The following TPRG1 variants were observed in gnomAD, a reference collection of about 807,000 sequenced individuals.
The protein encoded by TPRG1 is tumor protein p63-regulated gene 1 protein.
TPRG1 carries 29 observed loss-of-function variants against 29.3 expected under a neutral mutation model. The observed-to-expected ratio is 0.99, with a 90% CI of 0.74 to 1.35. The LOEUF (loss-of-function observed/expected upper bound fraction) is 1.35. Among genes scored for constraint, TPRG1 ranks in the 40% most tolerant of loss-of-function variants. TPRG1 has a pLI of 0.00. For missense variants in TPRG1, 327 were observed against 335.0 expected (o/e 0.98, Z 0.19); for synonymous variants, 130 against 116.8 (o/e 1.11, Z -0.73).
intron 4 of TPRG1, among the ~76,000 whole-genome samples, chr3:189,285,202 C>T (rs1339466413): frequency 1.3e-5 from 2 of 152,156 alleles, no homozygotes; most frequent in African/African-American, 4.8e-5. Flanking sequence ...CTCACTTTTT[C>T]TTAAAAATGA....
intron 4 of TPRG1, among the ~76,000 whole-genome samples, chr3:189,244,003 G>C (rs145911876): frequency 2.8e-4 from 43 of 152,246 alleles, no homozygotes; most frequent in African/African-American, 1.0e-3. Flanking sequence ...ACCTCTGCCT[G>C]TTACCCAATT....
intron 1 of TPRG1, among the ~76,000 whole-genome samples, chr3:188,999,563 C>T (rs1298668835): frequency 1.3e-5 from 2 of 152,102 alleles, no homozygotes; most frequent in Non-Finnish European, 2.9e-5. Flanking sequence ...GTTAAAATAA[C>T]TTATTTGCCC....
chr3:189,056,890 T>G (rs1407942837), intron 4 of TPRG1, among the ~76,000 whole-genome samples: 1 of 152,194 alleles, frequency 6.6e-6, no homozygotes, highest in Non-Finnish European at 1.5e-5. Flanking sequence ...CTCAGTACTA[T>G]GTCACGATTG....
intron 5 of TPRG1, among the ~76,000 whole-genome samples, chr3:189,320,151 GT>G (rs151175477): frequency 1.3e-5 from 2 of 151,878 alleles, no homozygotes; most frequent in Non-Finnish European, 2.9e-5. Context: ...TGACAGCGGG[GT>G]TTTTTTGCCT....
chr3:189,120,106 T>C (rs1721656059), intron 1 of TPRG1: 1 of 152,136 alleles, frequency 6.6e-6, no homozygotes, highest in South Asian at 2.1e-4. Flanking sequence ...CAAACAAATA[T>C]CAGTATCTGT....
chr3:189,187,887 G>A (rs1440108108), intron 1 of TPRG1, among the ~76,000 whole-genome samples: 1 of 152,082 alleles, frequency 6.6e-6, no homozygotes, highest in Non-Finnish European at 1.5e-5. Flanking sequence ...ATTAATTCTC[G>A]AAACATTTGT....
chr3:189,061,907 G>A (rs988596515), intron 4 of TPRG1, among the ~76,000 whole-genome samples: 1 of 152,048 alleles, frequency 6.6e-6, no homozygotes, highest in Non-Finnish European at 1.5e-5. Flanking sequence ...AAACAGAACT[G>A]CCACTTGACC....
rs147626905 is a variant in TPRG1, at chr3:189,318,924, C to T, written c.634-1702C>T. Among the ~76,000 whole-genome samples, 479 of 152,250 alleles carry T rather than the reference C, an allele frequency of 3.1e-3. 3 individuals carry two copies. The highest frequency in any genetic ancestry group is 0.011 in the African/African-American group (461 of 41,554). On this transcript the variant is annotated intron_variant, in intron 5 of 5. Transcript: ENST00000345063. Reference sequence around the variant, plus strand: ...AAAAATTAGAATTTTATAATTCCTGCTCATAACAGCAATGTTATAAAGAGA... The same window carrying T: ...AAAAATTAGAATTTTATAATTCCTGTTCATAACAGCAATGTTATAAAGAGA...
chr3:189,280,276 T>C (rs569493675), intron 4 of TPRG1, among the ~76,000 whole-genome samples: 2 of 152,052 alleles, frequency 1.3e-5, no homozygotes, highest in Non-Finnish European at 2.9e-5. Context: ...GAATAATATA[T>C]ATAAATGAAT....
At chr3:189,060,383 A>G (rs1475538753) in intron 4 of TPRG1, among the ~76,000 whole-genome samples, 1 of 152,194 alleles carries the variant, frequency 6.6e-6, no homozygotes, top group Non-Finnish European at 1.5e-5. Flanking sequence ...AAACTGACAC[A>G]AGACAAGTAT....
intron 1 of TPRG1, among the ~76,000 whole-genome samples, chr3:189,195,753 G>T (rs1303550285): frequency 6.6e-6 from 1 of 152,150 alleles, no homozygotes; most frequent in Admixed American, 6.5e-5. Flanking sequence ...GGATCCTCTT[G>T]CTTTCTTCCT....
Position 189,242,084 on chromosome 3 carries a change from G to A in TPRG1, c.479+3175G>A, listed in dbSNP as rs551565251. Among the ~76,000 whole-genome samples the A allele has an allele frequency of 3.0e-4, 46 of 152,058 alleles. No individual in the cohort carries two copies. In the South Asian group the frequency reaches 8.9e-3, roughly 30 times the overall value. The stretch of plus-strand genomic sequence containing the variant: ...GTAATTTTATTTTACTGTTAACAAC[G>A]AACTTATATTTCATCTAAAATTTGC... On this transcript the variant is annotated intron_variant, in intron 4 of 5. Transcript: ENST00000345063.
At position 189,207,405 on chromosome 3, in the gene TPRG1, T is replaced by G; in HGVS notation, c.21T>G (p.Phe7Leu). MSTIGS[F>L]EGFQAVSLKQ... Reference sequence around the variant, plus strand: ...AAGAAATGTCAACAATTGGGAGTTTTGAAGGATTCCAGGCTGTGTCTCTGA... The same window carrying G: ...AAGAAATGTCAACAATTGGGAGTTTGGAAGGATTCCAGGCTGTGTCTCTGA... The change falls in exon 2 of 6, where the codon TTT (phenylalanine) becomes TTG (leucine). Residue 7 changes from phenylalanine to leucine, a missense_variant. By Grantham distance (22) the Phe-to-Leu change is conservative. Transcript: ENST00000345063. 6.2e-7 allele frequency: 1 copy of G among 1,614,002 alleles called. No homozygotes were observed. Among genetic ancestry groups the G allele is most frequent in the South Asian group, 1.1e-5 (1 of 91,086 alleles).
intron 4 of TPRG1, among the ~76,000 whole-genome samples, chr3:189,249,750 TA>T (rs1331146702): frequency 6.6e-6 from 1 of 152,038 alleles, no homozygotes; most frequent in African/African-American, 2.4e-5. Flanking sequence ...TTTTGAGTAT[TA>T]TCCATTGACT....
intron 2 of TPRG1, among the ~76,000 whole-genome samples, chr3:189,209,233 C>T (rs1200949922): frequency 1.3e-5 from 2 of 152,112 alleles, no homozygotes; most frequent in South Asian, 2.1e-4. Flanking sequence ...TACCCCTTGC[C>T]GTTAAGTAAA....
chr3:189,151,509 A>G (rs568466673), intron 5 of TPRG1, among the ~76,000 whole-genome samples: 50 of 152,156 alleles, frequency 3.3e-4, no homozygotes, highest in African/African-American at 1.2e-3. Context: ...CTTTGGTTGT[A>G]AGAAAGAGAA....
intron 1 of TPRG1, among the ~76,000 whole-genome samples, chr3:189,113,467 G>A (rs1179539703): frequency 1.3e-5 from 2 of 152,018 alleles, no homozygotes; most frequent in Non-Finnish European, 2.9e-5. Flanking sequence ...TTTTCAAAGG[G>A]AATGCTTCCA....
rs77701721 is a variant in TPRG1, at chr3:189,190,040, C to T, written c.-9-17336C>T. Among the ~76,000 whole-genome samples the T allele has an allele frequency of 2.0e-3, 307 of 152,236 alleles. 1 individual carries two copies. The highest frequency in any genetic ancestry group is 6.5e-3 in the African/African-American group (271 of 41,542). On this transcript the variant is annotated intron_variant, in intron 1 of 5. Transcript: ENST00000345063. ...GTTAACAGGGAATACATTTGAGAGT[C>T]GCATCATTTAGGTGATCTCTTTAAG...
rs537259254 is a variant in TPRG1, at chr3:189,135,137, G to A, written c.-291+2440G>A. ...GTGGTTATGAACTTGGATGCAGTCA[G>A]TAGCCAGAGACTTGGCCATCTACAC... On this transcript the variant is annotated intron_variant, in intron 3 of 6. Transcript: ENST00000412373. 2.6e-5 allele frequency among the ~76,000 whole-genome samples: 4 copies of A among 152,286 alleles called. No individual in the cohort carries two copies. The South Asian group carries it at 8.3e-4, about 32-fold the overall frequency.
Sources: gnomAD v4.1 joint callset for allele counts (sites outside exome capture counted in the v4.1 genomes callset) on GRCh38, gnomAD v4.1.1 for gene constraint, MANE v1.5 for transcripts, NCBI Gene and HGNC (gene_info 2026-07-23, HGNC 2026-07-21) for gene names.